MMS22L: variants seen among roughly 807,000 people sequenced by gnomAD.
MMS22L encodes the protein protein MMS22-like.
MMS22L carries 74 observed loss-of-function variants against 159.1 expected under a neutral mutation model. The observed-to-expected ratio is 0.47, with a 90% CI of 0.39 to 0.56. The LOEUF (loss-of-function observed/expected upper bound fraction) is 0.56, where lower values mean the gene tolerates loss of function less well. MMS22L is among the 20% of genes least tolerant of loss of function. MMS22L has a pLI of 0.00. For missense variants in MMS22L, 1,351 were observed against 1,422.1 expected (o/e 0.95, Z 0.80); for synonymous variants, 517 against 506.9 (o/e 1.02, Z -0.27).
At chr6:97,249,140 C>A (rs931007595) in intron 10 of MMS22L, among the ~76,000 whole-genome samples, 2 of 152,162 alleles carry the variant, frequency 1.3e-5, no homozygotes, top group Non-Finnish European at 2.9e-5. Context: ...TCCACCCCTA[C>A]ATAATGGAAC....
At chr6:97,207,770 T>G (rs1807941571) in intron 14 of MMS22L, among the ~76,000 whole-genome samples, 1 of 152,136 alleles carries the variant, frequency 6.6e-6, no homozygotes, top group South Asian at 2.1e-4. Flanking sequence ...ATGTCTCATA[T>G]TTGGACTATC....
At chr6:97,198,139 C>A (rs1358777586) in intron 14 of MMS22L, among the ~76,000 whole-genome samples, 1 of 152,040 alleles carries the variant, frequency 6.6e-6, no homozygotes, top group East Asian at 1.9e-4. Flanking sequence ...ACTTTTAGAG[C>A]CCTGAAATGC....
intron 21 of MMS22L, among the ~76,000 whole-genome samples, chr6:97,163,682 A>G (rs964867046): frequency 6.6e-6 from 1 of 152,074 alleles, no homozygotes; most frequent in African/African-American, 2.4e-5. Flanking sequence ...AGGCAAAACT[A>G]TCATAATTCT....
intron 19 of MMS22L, among the ~76,000 whole-genome samples, chr6:97,169,912 G>A (rs1377127956): frequency 2.6e-5 from 4 of 151,994 alleles, no homozygotes; most frequent in Admixed American, 2.6e-4. Context: ...GTGATATAGG[G>A]TACCACGTGG....
At chr6:97,193,518 G>A (rs867493291) in intron 14 of MMS22L, among the ~76,000 whole-genome samples, 15 of 152,004 alleles carry the variant, frequency 9.9e-5, no homozygotes, top group African/African-American at 2.7e-4. Flanking sequence ...TTTCAGTTAC[G>A]TTTCACTGTA....
At chr6:97,151,435 A>T in intron 23 of MMS22L, 3 of 285,890 alleles carry the variant, frequency 1.0e-5, no homozygotes. Context: ...GTATAAGTAC[A>T]CTCTATTTGA....
chr6:97,235,787 T>A (rs1811329093), intron 11 of MMS22L, among the ~76,000 whole-genome samples: 1 of 152,042 alleles, frequency 6.6e-6, no homozygotes, highest in African/African-American at 2.4e-5. Context: ...AACAATAAAG[T>A]CCTTGAACAG....
chr6:97,195,914 G>A (rs372412341), intron 14 of MMS22L, among the ~76,000 whole-genome samples: 1 of 152,106 alleles, frequency 6.6e-6, no homozygotes, highest in African/African-American at 2.4e-5. Flanking sequence ...ATTTTGTGAG[G>A]GAAAGGAAGG....
intron 24 of MMS22L, among the ~76,000 whole-genome samples, chr6:97,148,719 T>C (rs1328544572): frequency 6.6e-6 from 1 of 151,238 alleles, no homozygotes; most frequent in African/African-American, 2.4e-5. Flanking sequence ...TAAAAAAGAG[T>C]AAGCTAAGGT....
rs1466545937 is a variant in MMS22L at position 97,142,391 on chromosome 6, ATTAAATT to A, written c.*4408_*4414del. Reference sequence around the variant, plus strand: ...TTATCACAGTATCAAAATACACCTTATTAAATTTGTAAAGAATATGCTATGTTGCTAG... The same window carrying A: ...TTATCACAGTATCAAAATACACCTTATGTAAAGAATATGCTATGTTGCTAG... On this transcript the variant is annotated 3_prime_UTR_variant, in exon 25 of 25. Coordinates refer to ENST00000683635, the MANE Select transcript of MMS22L (RefSeq NM_001350599.2). 1 of 152,454 alleles carries A rather than the reference ATTAAATT, an allele frequency of 6.6e-6. No individual in the cohort carries two copies. Among genetic ancestry groups the A allele is most frequent in the Non-Finnish European group, 1.5e-5 (1 of 67,910 alleles). 9.4% of individuals were successfully genotyped at this position (152,454 alleles called of 1,614,324 possible). A position where few individuals can be genotyped will look rare whatever the true frequency, so the allele number is the denominator to read the frequency against.
Position 97,224,576 on chromosome 6 carries a change from C to A in MMS22L, c.2039+4318G>T, listed in dbSNP as rs575351362. ...CTGACTCATTTAAAAAAAAAAAAAA[C>A]TTACAAAATAAAAAGAAAGTAATCA... is the stretch of plus-strand genomic sequence containing the variant. On this transcript the variant is annotated intron_variant, in intron 14 of 24. Coordinates refer to ENST00000683635, the MANE Select transcript of MMS22L (RefSeq NM_001350599.2). Among the ~76,000 whole-genome samples the A allele has an allele frequency of 8.2e-4, 123 of 149,870 alleles. 2 individuals carry two copies. Among genetic ancestry groups the A allele is most frequent in the African/African-American group, 2.9e-3 (118 of 40,962 alleles).
chr6:97,234,933 T>A (rs1375452368), intron 11 of MMS22L, among the ~76,000 whole-genome samples: 1 of 152,202 alleles, frequency 6.6e-6, no homozygotes, highest in Non-Finnish European at 1.5e-5. Flanking sequence ...CTTGGTATTA[T>A]AAAATTCTAG....
At chr6:97,172,712 T>A (rs1214555935) in intron 19 of MMS22L, among the ~76,000 whole-genome samples, 2 of 152,190 alleles carry the variant, frequency 1.3e-5, no homozygotes, top group Non-Finnish European at 2.9e-5. Context: ...TTTTCTGATG[T>A]TTTTAATTCT....
chr6:97,157,898 C>T (rs964394924), intron 22 of MMS22L, among the ~76,000 whole-genome samples: 92 of 152,220 alleles, frequency 6.0e-4, no homozygotes, highest in African/African-American at 2.1e-3. Flanking sequence ...GGAATGTTTC[C>T]AGCTCCTCCT....
chr6:97,221,097 C>G (rs891830941), intron 14 of MMS22L, among the ~76,000 whole-genome samples: 14 of 152,140 alleles, frequency 9.2e-5, no homozygotes, highest in African/African-American at 3.1e-4. Flanking sequence ...ATCTAACATT[C>G]ATTGAACACT....
chr6:97,182,711 T>C (rs1006438552), intron 15 of MMS22L, among the ~76,000 whole-genome samples: 9 of 152,202 alleles, frequency 5.9e-5, no homozygotes, highest in Non-Finnish European at 1.3e-4. Flanking sequence ...CTGTCTATTT[T>C]CCCACTCCCC....
Position 97,168,185 on chromosome 6 carries a change from T to A in MMS22L, c.2895A>T (p.Leu965Phe). ...GTAAACAATCTATGATCCGGAATAG[T>A]AATTTTTGGGCTTTAGAAGTGGCAA... The part of the protein sequence containing the change: ...QIFATSKAQK[L>F]LFRIIDCLLL... Residue 965 changes from leucine to phenylalanine, a missense_variant, in exon 20 of 25, where the codon TTA (leucine) becomes TTT (phenylalanine). Transcript: ENST00000683635. 1 of 1,613,252 alleles carries A rather than the reference T, an allele frequency of 6.2e-7. No individual in the cohort carries two copies. Among genetic ancestry groups the A allele is most frequent in the Non-Finnish European group, 8.5e-7 (1 of 1,179,446 alleles).
intron 9 of MMS22L, chr6:97,258,567 T>A (rs772287829): frequency 1.3e-5 from 2 of 152,320 alleles, no homozygotes; most frequent in Non-Finnish European, 2.9e-5. Flanking sequence ...TTGCATACTA[T>A]AACAAATTCT....
At chr6:97,281,446 C>T in intron 2 of MMS22L, 84 bp from the exon 3 acceptor site, 1 of 1,133,846 alleles carries the variant, frequency 8.8e-7, no homozygotes, top group Non-Finnish European at 1.2e-6. Flanking sequence ...TATTTGAATC[C>T]ATATTATACA....
Sources: allele counts gnomAD v4.1 joint callset (sites outside exome capture counted in the v4.1 genomes callset), GRCh38; gene constraint gnomAD v4.1.1; transcripts MANE v1.5; gene names NCBI Gene and HGNC (gene_info 2026-07-23, HGNC 2026-07-21).